SH3PXD2B: variants seen among roughly 807,000 people sequenced by gnomAD.
The protein encoded by SH3PXD2B is SH3 and PX domains 2B.
In SH3PXD2B, 37 loss-of-function variants were observed where a neutral mutation model predicts 73.1. The observed-to-expected ratio is 0.51, with a 90% CI of 0.39 to 0.67. SH3PXD2B has a LOEUF of 0.67. SH3PXD2B is among the 30% of genes least tolerant of loss of function. The pLI is 0.00. For missense variants in SH3PXD2B, 1,053 were observed against 1,197.8 expected, an observed-to-expected ratio of 0.88 and a Z score of 1.78; for synonymous variants, 457 against 480.5, an observed-to-expected ratio of 0.95 and a Z score of 0.64.
At chr5:172,416,768 G>A (rs1758836757) in intron 2 of SH3PXD2B, among the ~76,000 whole-genome samples, 4 of 131,198 alleles carry the variant, frequency 3.0e-5, no homozygotes, top group African/African-American at 5.9e-5. Flanking sequence ...GAGTGCAGTG[G>A]CACAATCTCA....
At chr5:172,346,809 C>G (rs1388855022) in intron 11 of SH3PXD2B, among the ~76,000 whole-genome samples, 1 of 152,032 alleles carries the variant, frequency 6.6e-6, no homozygotes, top group African/African-American at 2.4e-5. Flanking sequence ...AGCAAGACCC[C>G]GTCTCAAAAA....
chr5:172,336,732 G>T lies in SH3PXD2B; in HGVS notation c.*1637C>A, dbSNP rs912218784. On this transcript the variant is annotated 3_prime_UTR_variant, in exon 13 of 13. Transcript: ENST00000311601. ...GGGCAGGGCAGGGCAGGGCTGCCTC[G>T]GTCGGGTAGAATGGGAAGGGGTTCT... 4.1e-6 allele frequency: 4 copies of T among 985,530 alleles called. No individual in the cohort carries two copies. Among genetic ancestry groups the T allele is most frequent in the East Asian group, 2.3e-4 (2 of 8,826 alleles). The allele number at this position is 985,530 out of a possible 1,614,324, so 61.0% of individuals were successfully genotyped here.
chr5:172,413,639 A>G (rs1561929828), intron 2 of SH3PXD2B, among the ~76,000 whole-genome samples: 1 of 152,230 alleles, frequency 6.6e-6, no homozygotes, highest in Non-Finnish European at 1.5e-5. Context: ...GGTGGCAGCA[A>G]CAGGGCCTGG....
At chr5:172,363,939 C>T (rs1031878434) in intron 6 of SH3PXD2B, among the ~76,000 whole-genome samples, 20 of 152,094 alleles carry the variant, frequency 1.3e-4, no homozygotes, top group African/African-American at 4.6e-4. Context: ...AGAAAGAAAG[C>T]AGGAGACTAG....
intron 12 of SH3PXD2B, among the ~76,000 whole-genome samples, chr5:172,345,110 A>AAGG (rs61408889): frequency 7.1e-6 from 1 of 140,254 alleles, no homozygotes; most frequent in Admixed American, 6.9e-5. Context: ...GGGAAGGAAG[A>AAGG]AGGGAAGGAA....
chr5:172,363,205 T>C (rs1272699361), intron 6 of SH3PXD2B, among the ~76,000 whole-genome samples: 1 of 151,764 alleles, frequency 6.6e-6, no homozygotes, highest in Admixed American at 6.6e-5. Context: ...CATCCTCCAT[T>C]ATCCATCCAT....
chr5:172,446,248 A>G (rs982477380), intron 1 of SH3PXD2B, among the ~76,000 whole-genome samples: 1 of 152,216 alleles, frequency 6.6e-6, no homozygotes, highest in Admixed American at 6.5e-5. Flanking sequence ...CTCAGGGCCA[A>G]CAGTGAGTGA....
In SH3PXD2B at chr5:172,334,398, T is replaced by C; in HGVS notation, c.*3971A>G. ...CCCTGCACCCTCAGGCCTCGATGCA[T>C]GCTGCTCTACCTCTCATCAGCCCAC... On this transcript the variant is annotated 3_prime_UTR_variant, in exon 13 of 13. Coordinates refer to ENST00000311601, the MANE Select transcript of SH3PXD2B (RefSeq NM_001017995.3). 1 of 991,188 alleles carries C rather than the reference T, an allele frequency of 1.0e-6. No individual in the cohort carries two copies. Among genetic ancestry groups the C allele is most frequent in the Non-Finnish European group, 1.2e-6 (1 of 834,438 alleles). The allele number at this position is 991,188 out of a possible 1,614,324, so 61.4% of individuals were successfully genotyped here. A position where few individuals can be genotyped will look rare whatever the true frequency, so the allele number is the denominator to read the frequency against.
At chr5:172,355,792 C>A (rs1472989210) in intron 8 of SH3PXD2B, among the ~76,000 whole-genome samples, 1 of 152,148 alleles carries the variant, frequency 6.6e-6, no homozygotes, top group Non-Finnish European at 1.5e-5. Flanking sequence ...GATCCGCCCG[C>A]CTCGGCCTCC....
At chr5:172,379,380 G>T (rs531718761) in intron 5 of SH3PXD2B, among the ~76,000 whole-genome samples, 1 of 151,326 alleles carries the variant, frequency 6.6e-6, no homozygotes, top group Non-Finnish European at 1.5e-5. Context: ...TCTCTCCCAT[G>T]TGGGGACACA....
intron 1 of SH3PXD2B, among the ~76,000 whole-genome samples, chr5:172,428,564 C>T (rs1411803173): frequency 2.6e-5 from 4 of 152,216 alleles, no homozygotes; most frequent in Admixed American, 6.5e-5. Context: ...GACACTCACA[C>T]GGTATCAAAG....
chr5:172,351,192 C>T (rs928664881), intron 9 of SH3PXD2B, among the ~76,000 whole-genome samples: 2 of 152,110 alleles, frequency 1.3e-5, no homozygotes, highest in African/African-American at 2.4e-5. Context: ...TGCAGTGGTT[C>T]GATCATAGCT....
chr5:172,387,171 A>G (rs943094916), intron 4 of SH3PXD2B, among the ~76,000 whole-genome samples: 23 of 152,242 alleles, frequency 1.5e-4, no homozygotes, highest in African/African-American at 5.5e-4. Context: ...AGTTTAAAAT[A>G]CTACAGCATG....
intron 2 of SH3PXD2B, among the ~76,000 whole-genome samples, chr5:172,412,851 A>G (rs1483872019): frequency 1.3e-5 from 2 of 152,222 alleles, no homozygotes; most frequent in Non-Finnish European, 2.9e-5. Context: ...GCTCAGGGTG[A>G]GGAGGACTGG....
chr5:172,361,252 C>A (rs1470087484), intron 7 of SH3PXD2B, among the ~76,000 whole-genome samples: 3 of 152,040 alleles, frequency 2.0e-5, no homozygotes, highest in African/African-American at 7.2e-5. Flanking sequence ...AAGATTCATA[C>A]CTAATGGATA....
At position 172,339,265 on chromosome 5, in the gene SH3PXD2B, G is replaced by T. The variant is rs778527295; in HGVS notation, c.1840C>A (p.Pro614Thr). 1 of 1,614,222 alleles carries T rather than the reference G, an allele frequency of 6.2e-7. No individual in the cohort carries two copies. The highest frequency in any genetic ancestry group is 1.7e-5 in the Admixed American group (1 of 60,032). Residue 614 changes from proline (P) to threonine (T), a missense_variant, in exon 13 of 13, where the codon CCC becomes ACC. Physicochemically the swap from Pro to Thr is conservative, Grantham distance 38. Coordinates refer to ENST00000311601, the MANE Select transcript of SH3PXD2B (RefSeq NM_001017995.3). The surrounding 1 kb of genome is among the most constrained non-coding windows in gnomAD (Gnocchi z 6.1). The part of the protein sequence containing the change: ...AKEVKKPNLR[P>T]ISKSKTDLPE... Reference sequence around the variant, plus strand: ...AGGTCAGTTTTGGATTTGGAGATGGGCCGGAGGTTGGGCTTCTTCACTTCC... The same window carrying T: ...AGGTCAGTTTTGGATTTGGAGATGGTCCGGAGGTTGGGCTTCTTCACTTCC...
intron 5 of SH3PXD2B, among the ~76,000 whole-genome samples, chr5:172,377,235 A>C (rs1275013934): frequency 6.6e-6 from 1 of 151,766 alleles, no homozygotes; most frequent in Non-Finnish European, 1.5e-5. Context: ...AAGTTTTCCT[A>C]CTCATGGCGG....
chr5:172,422,553 T>TG, intron 1 of SH3PXD2B, 57 bp from the exon 2 acceptor site: 1 of 1,517,600 alleles, frequency 6.6e-7, no homozygotes, highest in African/African-American at 1.4e-5. Context: ...TCCCAATCTC[T>TG]GGGACCCAGG....
chr5:172,409,952 G>A (rs958201607), intron 2 of SH3PXD2B, among the ~76,000 whole-genome samples: 4 of 152,156 alleles, frequency 2.6e-5, no homozygotes, highest in African/African-American at 9.7e-5. Context: ...CTGACCTCAG[G>A]TGATCCACCT....
Sources: allele counts gnomAD v4.1 joint callset (sites outside exome capture counted in the v4.1 genomes callset), GRCh38; gene constraint gnomAD v4.1.1; non-coding constraint Gnocchi (gnomAD v3.1); transcripts MANE v1.5; gene names NCBI Gene and HGNC (gene_info 2026-07-23, HGNC 2026-07-21).